RIPOR2: variants seen among roughly 807,000 people sequenced by gnomAD.
RIPOR2 encodes RHO family interacting cell polarization regulator 2, also known as rho family-interacting cell polarization regulator 2.
A neutral mutation model predicts 114.5 loss-of-function variants in RIPOR2; 39 were observed. The observed-to-expected ratio is 0.34, with a 90% CI of 0.26 to 0.44. RIPOR2 has a LOEUF of 0.44. Ranked by LOEUF, RIPOR2 falls within the 20% of genes least tolerant of loss-of-function variation. The pLI is 1.00. For missense variants in RIPOR2, 1,007 were observed against 1,255.1 expected, an observed-to-expected ratio of 0.80 and a Z score of 2.99; for synonymous variants, 445 against 484.4, an observed-to-expected ratio of 0.92 and a Z score of 1.07.
At chr6:24,948,523 T>C (rs1269853346) in intron 1 of RIPOR2, among the ~76,000 whole-genome samples, 1 of 102,568 alleles carries the variant, frequency 9.7e-6, no homozygotes, top group African/African-American at 3.4e-5. Context: ...TGCTATTTCT[T>C]TCTTTCTTTC....
intron 1 of RIPOR2, among the ~76,000 whole-genome samples, chr6:24,928,536 C>A (rs1771137548): frequency 6.6e-6 from 1 of 152,192 alleles, no homozygotes. Context: ...ACTTCTTACA[C>A]TGAATGAACA....
Position 24,843,038 on chromosome 6 carries a change from T to C in RIPOR2, c.1681A>G (p.Arg561Gly). The change falls in exon 13 of 22, where the codon AGG (arginine) becomes GGG (glycine). Residue 561 changes from arginine (R) to glycine (G), a missense_variant. Physicochemically the swap from Arg to Gly is moderately radical, Grantham distance 125. Transcript: ENST00000643898. ...CCAACAGAACCCTCAGAGAGCAGCC[T>C]GTCTGTGGCCATTGGCACCTCTGCA... is the stretch of plus-strand genomic sequence containing the variant. ...TSAEVPMATD[R>G]LLSEGSVGGE... is the part of the protein sequence containing the mutation. The C allele has an allele frequency of 6.2e-7, 1 of 1,610,714 alleles. No individual in the cohort carries two copies. The highest frequency in any genetic ancestry group is 8.5e-7 in the Non-Finnish European group (1 of 1,177,316).
chr6:24,942,009 AC>A (rs1349656218), intron 1 of RIPOR2, among the ~76,000 whole-genome samples: 9 of 152,120 alleles, frequency 5.9e-5, no homozygotes, highest in African/African-American at 2.2e-4. Flanking sequence ...CCAGAATGTG[AC>A]CCCAGACCCA....
chr6:24,907,891 C>T (rs1418251679), intron 1 of RIPOR2, among the ~76,000 whole-genome samples: 1 of 152,144 alleles, frequency 6.6e-6, no homozygotes, highest in Non-Finnish European at 1.5e-5. Context: ...ATGACAACTG[C>T]TTTATGAGAC....
At chr6:24,866,503 G>T (rs1764612659) in intron 6 of RIPOR2, among the ~76,000 whole-genome samples, 1 of 145,232 alleles carries the variant, frequency 6.9e-6, no homozygotes. Flanking sequence ...AATGCCAGTA[G>T]TGCTAGGGTT....
At chr6:24,829,268 C>T (rs1349538067) in intron 17 of RIPOR2, among the ~76,000 whole-genome samples, 2 of 151,752 alleles carry the variant, frequency 1.3e-5, no homozygotes, top group African/African-American at 2.4e-5. Context: ...GAGCTGAGAT[C>T]GCGCCATTGC....
In RIPOR2 at chr6:24,881,825, C is replaced by G. The variant is rs115146732; in HGVS notation, c.62-6008G>C. Among the ~76,000 whole-genome samples the G allele has an allele frequency of 5.7e-3, 868 of 152,004 alleles. 7 individuals are homozygous for G. The highest frequency in any genetic ancestry group is 0.019 in the African/African-American group (806 of 41,472). Reference sequence around the variant, plus strand: ...ATCAAATCAGCAGGCGGTTTTTGGACAAGAACACTGAATCTGAAGATAGAA... The same window carrying G: ...ATCAAATCAGCAGGCGGTTTTTGGAGAAGAACACTGAATCTGAAGATAGAA... On this transcript the variant is annotated intron_variant, in intron 1 of 21. Coordinates refer to ENST00000643898, the MANE Select transcript of RIPOR2 (RefSeq NM_001286445.3).
At chr6:24,978,167 T>G (rs1774150809) in intron 1 of RIPOR2, among the ~76,000 whole-genome samples, 1 of 152,172 alleles carries the variant, frequency 6.6e-6, no homozygotes, top group African/African-American at 2.4e-5. Context: ...GAGTGAGTCT[T>G]TTTCATTCTA....
intron 1 of RIPOR2, chr6:25,023,939 G>A (rs1776465912): frequency 2.8e-6 from 2 of 726,946 alleles, no homozygotes; most frequent in African/African-American, 1.7e-5. Context: ...ATGTGCATGA[G>A]GTTCTCGTCC....
chr6:24,983,756 C>CAAAAAA lies in RIPOR2; in HGVS notation c.76+58089_76+58094dup, dbSNP rs34480037. Among the ~76,000 whole-genome samples, 332 of 47,154 alleles carry CAAAAAA rather than the reference C, an allele frequency of 7.0e-3. 27 individuals are homozygous for CAAAAAA. The highest frequency in any genetic ancestry group is 0.012 in the African/African-American group (116 of 10,006). The allele number at this position is 47,154 out of a possible 152,430, so 30.9% of individuals were successfully genotyped here. A position where few individuals can be genotyped will look rare whatever the true frequency, so the allele number is the denominator to read the frequency against. Reference sequence around the variant, plus strand: ...TGGGCAACAGAACGAGACTGTGTCTCAAAAAAAAAAAAAAAAAAAAAAAAA... The same window carrying CAAAAAA: ...TGGGCAACAGAACGAGACTGTGTCTCAAAAAAAAAAAAAAAAAAAAAAAAAAAAAAA... On this transcript the variant is annotated intron_variant, in intron 1 of 13. Transcript: ENST00000510784.
chr6:24,916,249 A>C (rs1770070933), intron 1 of RIPOR2, among the ~76,000 whole-genome samples: 3 of 152,142 alleles, frequency 2.0e-5, no homozygotes, highest in African/African-American at 7.2e-5. Flanking sequence ...CTGGCCCATG[A>C]AGCCCTGTTC....
chr6:24,875,263 G>A (rs964203660), intron 2 of RIPOR2, among the ~76,000 whole-genome samples: 3 of 152,206 alleles, frequency 2.0e-5, no homozygotes. Context: ...GATGAGAGGA[G>A]ATTCAGGAAA....
intron 1 of RIPOR2, among the ~76,000 whole-genome samples, chr6:24,943,006 G>A (rs933481210): frequency 1.3e-5 from 2 of 152,124 alleles, no homozygotes; most frequent in African/African-American, 4.8e-5. Context: ...TGTCCTGAAT[G>A]ATATAAATCA....
chr6:24,969,508 T>C (rs1338943203), intron 1 of RIPOR2, among the ~76,000 whole-genome samples: 2 of 152,238 alleles, frequency 1.3e-5, no homozygotes, highest in East Asian at 3.8e-4. Context: ...AATAACTTTT[T>C]ACTCACTTAT....
At chr6:24,983,138 A>C (rs1774371688) in intron 1 of RIPOR2, among the ~76,000 whole-genome samples, 1 of 151,776 alleles carries the variant, frequency 6.6e-6, no homozygotes, top group Admixed American at 6.6e-5. Context: ...TGGCCCAAAT[A>C]AACTCTCTAC....
rs758868767 is a variant in RIPOR2 at position 24,806,443 on chromosome 6, A to G, written c.3074T>C (p.Leu1025Ser). Residue 1025 changes from leucine to serine, a missense_variant, in exon 22 of 22, where the codon TTG becomes TCG. Physicochemically the swap from Leu to Ser is moderately radical, Grantham distance 145. Transcript: ENST00000643898. ...AACACAGTCTCGAGGAAATTTGTCCAATTGTTCATATGCCAGCCGCCCATC... is the reference window on the plus strand; with the variant it reads ...AACACAGTCTCGAGGAAATTTGTCCGATTGTTCATATGCCAGCCGCCCATC... The part of the protein sequence containing the change: ...GEDGRLAYEQ[L>S]DKFPRDCVKV... 6.4e-7 allele frequency: 1 copy of G among 1,551,940 alleles called. No homozygotes were observed. Among genetic ancestry groups the G allele is most frequent in the South Asian group, 1.2e-5 (1 of 84,044 alleles).
At chr6:24,915,667 T>C (rs2114088582) in intron 1 of RIPOR2, among the ~76,000 whole-genome samples, 1 of 152,146 alleles carries the variant, frequency 6.6e-6, no homozygotes, top group Admixed American at 6.5e-5. Flanking sequence ...CTGGCCCCCG[T>C]CTCTCTGTAT....
chr6:24,960,459 A>C (rs1773252036), intron 1 of RIPOR2, among the ~76,000 whole-genome samples: 1 of 152,084 alleles, frequency 6.6e-6, no homozygotes, highest in Non-Finnish European at 1.5e-5. Flanking sequence ...CCTAATCACT[A>C]CCTAAAGGCC....
chr6:24,977,915 A>G (rs1341182119), intron 1 of RIPOR2, among the ~76,000 whole-genome samples: 2 of 152,166 alleles, frequency 1.3e-5, no homozygotes, highest in Non-Finnish European at 2.9e-5. Context: ...CCTGAATGTC[A>G]GTCAAAACTC....
Sources: gnomAD v4.1 joint callset for allele counts (sites outside exome capture counted in the v4.1 genomes callset) on GRCh38, gnomAD v4.1.1 for gene constraint, MANE v1.5 for transcripts, NCBI Gene and HGNC (gene_info 2026-07-23, HGNC 2026-07-21) for gene names.